Variants in ARB2A observed in about 807,000 individuals in gnomAD.
ARB2A encodes the protein cotranscriptional regulator ARB2A.
the ARB2A span, among the ~76,000 whole-genome samples, chr5:93,923,877 T>C: frequency 6.6e-6 from 1 of 152,104 alleles, no homozygotes; most frequent in African/African-American, 2.4e-5. Flanking sequence ...AAGTGAAACA[T>C]GTTATAGAAG....
the ARB2A span, among the ~76,000 whole-genome samples, chr5:93,815,018 A>G: frequency 6.6e-6 from 1 of 151,566 alleles, no homozygotes; most frequent in Non-Finnish European, 1.5e-5. Context: ...TTTTAAAAAA[A>G]TTTTTGTACA....
At chr5:93,787,897 C>T in the ARB2A span, among the ~76,000 whole-genome samples, 3 of 152,134 alleles carry the variant, frequency 2.0e-5, no homozygotes, top group East Asian at 5.8e-4. Context: ...TAAATAATGT[C>T]TAGGGTAAGA....
the ARB2A span, among the ~76,000 whole-genome samples, chr5:93,637,033 A>G: frequency 2.9e-3 from 436 of 152,270 alleles, 3 homozygotes; most frequent in African/African-American, 9.3e-3. Context: ...CATCACCACA[A>G]AGATTCGTCA....
chr5:93,826,395 TTCTC>T, the ARB2A span, among the ~76,000 whole-genome samples: 25 of 152,278 alleles, frequency 1.6e-4, no homozygotes, highest in African/African-American at 5.5e-4. Flanking sequence ...TAGAAGTTAG[TTCTC>T]TCTATGTCTA....
the ARB2A span, among the ~76,000 whole-genome samples, chr5:93,951,460 A>C: frequency 6.6e-6 from 1 of 152,076 alleles, no homozygotes; most frequent in African/African-American, 2.4e-5. Context: ...TCATAGTTTG[A>C]GGTCTTAAAT....
chr5:93,752,882 T>C, the ARB2A span, among the ~76,000 whole-genome samples: 1 of 152,170 alleles, frequency 6.6e-6, no homozygotes, highest in Admixed American at 6.5e-5. Flanking sequence ...AATTATAAGG[T>C]AGCATACAAC....
chr5:93,798,641 T>C, the ARB2A span, among the ~76,000 whole-genome samples: 2 of 152,202 alleles, frequency 1.3e-5, no homozygotes, highest in Admixed American at 6.5e-5. Flanking sequence ...ATGTTAGAAA[T>C]TATCCAATCC....
At chr5:94,074,836 G>T in the ARB2A span, 3 of 1,020,568 alleles carry the variant, frequency 2.9e-6, no homozygotes, top group African/African-American at 1.6e-5. Flanking sequence ...GAACTTCCTT[G>T]ATCCTCCCAG....
At chr5:93,674,104 T>A in the ARB2A span, among the ~76,000 whole-genome samples, 1 of 152,066 alleles carries the variant, frequency 6.6e-6, no homozygotes, top group Non-Finnish European at 1.5e-5. Context: ...ACACCAAGAA[T>A]GTAAGTTAGT....
the ARB2A span, among the ~76,000 whole-genome samples, chr5:93,923,172 T>C: frequency 6.6e-6 from 1 of 152,174 alleles, no homozygotes; most frequent in African/African-American, 2.4e-5. Context: ...TCAATTTATA[T>C]TTTCTTCCTT....
the ARB2A span, among the ~76,000 whole-genome samples, chr5:93,890,858 T>C: frequency 1.3e-5 from 2 of 152,052 alleles, no homozygotes; most frequent in East Asian, 1.9e-4. Flanking sequence ...AGTGAGAAAA[T>C]GGACTCTCGT....
the ARB2A span, among the ~76,000 whole-genome samples, chr5:93,705,486 C>T: frequency 6.6e-6 from 1 of 151,990 alleles, no homozygotes; most frequent in Non-Finnish European, 1.5e-5. Context: ...GAGAAGAACA[C>T]CTCCCTAATT....
chr5:93,999,985 T>A, the ARB2A span, among the ~76,000 whole-genome samples: 1 of 152,130 alleles, frequency 6.6e-6, no homozygotes, highest in Non-Finnish European at 1.5e-5. Flanking sequence ...TTTCATGGCT[T>A]AGCTTGACAG....
chr5:93,993,348 C>T, the ARB2A span, among the ~76,000 whole-genome samples: 1 of 151,930 alleles, frequency 6.6e-6, no homozygotes, highest in Non-Finnish European at 1.5e-5. Flanking sequence ...ATATGCAATC[C>T]CATAGTGACA....
chr5:93,995,013 A>C, the ARB2A span, among the ~76,000 whole-genome samples: 1 of 152,194 alleles, frequency 6.6e-6, no homozygotes, highest in Admixed American at 6.5e-5. Flanking sequence ...ATATACAAAA[A>C]AAATCTATTA....
At chr5:94,004,918 G>C in the ARB2A span, among the ~76,000 whole-genome samples, 1 of 145,568 alleles carries the variant, frequency 6.9e-6, no homozygotes, top group Admixed American at 7.2e-5. Context: ...CTGGAAACAA[G>C]GCAAGGTCTA....
At chr5:93,903,582 GTT>G in the ARB2A span, among the ~76,000 whole-genome samples, 124 of 151,974 alleles carry the variant, frequency 8.2e-4, 1 homozygote, top group Middle Eastern at 0.01. Flanking sequence ...TCAGTTGTTG[GTT>G]TTCTACCAAA....
At chr5:93,722,605 G>A in the ARB2A span, among the ~76,000 whole-genome samples, 3 of 152,070 alleles carry the variant, frequency 2.0e-5, no homozygotes, top group East Asian at 5.8e-4. Flanking sequence ...TACTTTAATG[G>A]GAAAAGAAAA....
chr5:93,705,280 G>A, the ARB2A span, among the ~76,000 whole-genome samples: 2 of 152,166 alleles, frequency 1.3e-5, no homozygotes, highest in Non-Finnish European at 2.9e-5. Context: ...AGGCATATAT[G>A]TAATTCACTT....
Sources: allele counts gnomAD v4.1 joint callset (sites outside exome capture counted in the v4.1 genomes callset), GRCh38; gene constraint gnomAD v4.1.1; transcripts MANE v1.5; gene names NCBI Gene and HGNC (gene_info 2026-07-23, HGNC 2026-07-21).